KCNH1: variants seen among roughly 807,000 people sequenced by gnomAD.
KCNH1 encodes potassium voltage-gated channel subfamily H member 1.
In KCNH1, 27 loss-of-function variants were observed where a neutral mutation model predicts 69.2. That is an observed-to-expected ratio of 0.39 (90% CI 0.29 to 0.54). KCNH1 has a LOEUF of 0.54. KCNH1 is among the 20% of genes least tolerant of loss of function. The pLI is 0.68. For synonymous variants in KCNH1, 456 were observed against 487.7 expected (o/e 0.93, Z 0.86); for missense variants, 798 against 1,261.6 (o/e 0.63, Z 5.57).
At chr1:210,879,159 G>A (rs1056244829) in intron 7 of KCNH1, among the ~76,000 whole-genome samples, 6 of 152,034 alleles carry the variant, frequency 3.9e-5, no homozygotes, top group African/African-American at 1.2e-4. Context: ...ACCAGACACA[G>A]ATAGGTCCAC....
At chr1:210,858,322 T>G (rs1685899874) in intron 7 of KCNH1, 2 of 152,018 alleles carry the variant, frequency 1.3e-5, no homozygotes, top group Admixed American at 1.3e-4. Flanking sequence ...ACAGAGGGAG[T>G]TGTCATTTTT....
At chr1:211,012,350 A>C in intron 6 of KCNH1, among the ~76,000 whole-genome samples, 1 of 152,192 alleles carries the variant, frequency 6.6e-6, no homozygotes, top group East Asian at 1.9e-4. Flanking sequence ...GAAATCCCAG[A>C]ACAAGACCTG....
At chr1:210,705,118 GAA>G in intron 10 of KCNH1, among the ~76,000 whole-genome samples, 1 of 152,276 alleles carries the variant, frequency 6.6e-6, no homozygotes, top group African/African-American at 2.4e-5. Context: ...TTTGAAGAAA[GAA>G]AGACACATTT....
intron 5 of KCNH1, among the ~76,000 whole-genome samples, chr1:211,069,488 A>G (rs1690596088): frequency 6.6e-6 from 1 of 152,162 alleles, no homozygotes; most frequent in African/African-American, 2.4e-5. Flanking sequence ...TAATTTTTTA[A>G]GGGCTCTAAT....
At chr1:210,893,604 C>T (rs1262300983) in intron 7 of KCNH1, among the ~76,000 whole-genome samples, 26 of 151,990 alleles carry the variant, frequency 1.7e-4, no homozygotes, top group Non-Finnish European at 3.2e-4. Flanking sequence ...AATATTGCTT[C>T]TACTTTCTCT....
rs550833970 is a variant in KCNH1 at position 211,016,908 on chromosome 1, C to CAAAAAAAAAAAA, written c.1032+1863_1032+1874dup. Among the ~76,000 whole-genome samples the CAAAAAAAAAAAA allele has an allele frequency of 4.8e-4, 44 of 90,738 alleles. 1 individual carries two copies. Among genetic ancestry groups the CAAAAAAAAAAAA allele is most frequent in the African/African-American group, 2.1e-3 (44 of 20,642 alleles). 59.5% of individuals were successfully genotyped at this position (90,738 alleles called of 152,430 possible). On this transcript the variant is annotated intron_variant, in intron 6 of 10. Coordinates refer to ENST00000271751, the MANE Select transcript of KCNH1 (RefSeq NM_172362.3). Reference sequence around the variant, plus strand: ...TGGGTGACAGAGCAAGACTCTGTCTCAAAAAAAAAAAAAATTTTAAAATTA... The same window carrying CAAAAAAAAAAAA: ...TGGGTGACAGAGCAAGACTCTGTCTCAAAAAAAAAAAAAAAAAAAAAAAAAATTTTAAAATTA...
chr1:210,893,965 T>A (rs1027043463), intron 7 of KCNH1, among the ~76,000 whole-genome samples: 5 of 152,200 alleles, frequency 3.3e-5, no homozygotes, highest in African/African-American at 1.2e-4. Flanking sequence ...AAATTTACCA[T>A]GTCTCTACTT....
chr1:211,031,358 A>G (rs1689781265), intron 5 of KCNH1, among the ~76,000 whole-genome samples: 1 of 152,238 alleles, frequency 6.6e-6, no homozygotes, highest in Non-Finnish European at 1.5e-5. Flanking sequence ...ATTCCAATCA[A>G]TAGAAAAAGA....
intron 7 of KCNH1, among the ~76,000 whole-genome samples, chr1:210,849,363 T>C (rs888051297): frequency 7.2e-6 from 1 of 138,528 alleles, no homozygotes; most frequent in African/African-American, 2.9e-5. Context: ...TTTTCTTTCT[T>C]TCTTTTTTTT....
At chr1:211,031,841 A>C (rs1334022423) in intron 5 of KCNH1, among the ~76,000 whole-genome samples, 1 of 152,168 alleles carries the variant, frequency 6.6e-6, no homozygotes, top group Non-Finnish European at 1.5e-5. Flanking sequence ...TTCCCTTTGA[A>C]AACTGGCGCA....
chr1:210,982,394 A>G (rs998927155), intron 6 of KCNH1, among the ~76,000 whole-genome samples: 1 of 152,014 alleles, frequency 6.6e-6, no homozygotes, highest in Admixed American at 6.6e-5. Flanking sequence ...AGCATTAGGT[A>G]TATCTCCAAT....
At chr1:211,088,463 C>T (rs961003056) in intron 4 of KCNH1, among the ~76,000 whole-genome samples, 5 of 152,136 alleles carry the variant, frequency 3.3e-5, no homozygotes, top group South Asian at 2.1e-4. Flanking sequence ...AATAACAAGG[C>T]CTAGAGAATT....
intron 6 of KCNH1, among the ~76,000 whole-genome samples, chr1:210,985,346 G>A (rs944525292): frequency 6.6e-6 from 1 of 152,102 alleles, no homozygotes; most frequent in African/African-American, 2.4e-5. Flanking sequence ...GTTTGCTCTT[G>A]CTTTTCTAGT....
rs1574262115 is a variant in KCNH1, at chr1:210,797,396, T to C, written c.1915+112A>G. ...TGGATAGATAAGTGAATATTAGCAATTGGCCCTGCCCTATGAAGCAATCTC... is the reference window on the plus strand; with the variant it reads ...TGGATAGATAAGTGAATATTAGCAACTGGCCCTGCCCTATGAAGCAATCTC... On this transcript the variant is annotated intron_variant, in intron 9 of 10. Coordinates refer to ENST00000271751, the MANE Select transcript of KCNH1 (RefSeq NM_172362.3). 1.3e-5 allele frequency: 15 copies of C among 1,166,976 alleles called. No individual in the cohort carries two copies. In the East Asian group the frequency reaches 3.5e-4, roughly 27 times the overall value. 72.3% of individuals were successfully genotyped at this position (1,166,976 alleles called of 1,614,324 possible). A position where few individuals can be genotyped will look rare whatever the true frequency, so the allele number is the denominator to read the frequency against.
In KCNH1 at chr1:210,959,615, C is replaced by T. The variant is rs372738373; in HGVS notation, c.1033-39546G>A. Among the ~76,000 whole-genome samples, 127 of 152,336 alleles carry T rather than the reference C, an allele frequency of 8.3e-4. No homozygotes were observed. In the South Asian group the frequency reaches 0.012, roughly 14 times the overall value. On this transcript the variant is annotated intron_variant, in intron 6 of 10. Coordinates refer to ENST00000271751, the MANE Select transcript of KCNH1 (RefSeq NM_172362.3). ...CTACTCAAGCCTTAGCAATGGCAGA[C>T]GCCCCTACATGCCCCCACAGGCTGC...
intron 10 of KCNH1, among the ~76,000 whole-genome samples, chr1:210,774,230 A>G: frequency 6.6e-6 from 1 of 152,094 alleles, no homozygotes; most frequent in Admixed American, 6.5e-5. Context: ...CATAAGAAGG[A>G]AGCACTCCAC....
At chr1:211,064,799 A>G (rs1321258471) in intron 5 of KCNH1, among the ~76,000 whole-genome samples, 1 of 152,200 alleles carries the variant, frequency 6.6e-6, no homozygotes, top group East Asian at 1.9e-4. Flanking sequence ...TAAGACAACA[A>G]AAAACCTAAT....
Position 211,005,581 on chromosome 1 carries a change from C to T in KCNH1, c.1032+13202G>A, listed in dbSNP as rs150761175. On this transcript the variant is annotated intron_variant, in intron 6 of 10. Transcript: ENST00000271751. The stretch of plus-strand genomic sequence containing the variant: ...CTGAGGAAAAAATAAAACTTGATCT[C>T]TATTTCATAGCATACACGATAATCA... 1.7e-4 allele frequency among the ~76,000 whole-genome samples: 26 copies of T among 152,202 alleles called. 1 individual carries two copies. The highest frequency in any genetic ancestry group is 5.8e-4 in the African/African-American group (24 of 41,548).
chr1:210,701,190 G>A (rs1307732548), intron 10 of KCNH1, among the ~76,000 whole-genome samples: 1 of 152,188 alleles, frequency 6.6e-6, no homozygotes, highest in Non-Finnish European at 1.5e-5. Flanking sequence ...GCCCGCCTCA[G>A]CCTCCCAAAG....
Sources: gnomAD v4.1 joint callset for allele counts (sites outside exome capture counted in the v4.1 genomes callset) on GRCh38, gnomAD v4.1.1 for gene constraint, MANE v1.5 for transcripts, NCBI Gene and HGNC (gene_info 2026-07-23, HGNC 2026-07-21) for gene names.